The following CHEK1 variants were observed in gnomAD, a reference collection of about 807,000 sequenced individuals.
CHEK1 encodes serine/threonine-protein kinase Chk1.
In CHEK1, 32 loss-of-function variants were observed where a neutral mutation model predicts 60.2. The ratio of observed to expected loss-of-function variants is 0.53; its 90% CI spans 0.40 to 0.71. The LOEUF (loss-of-function observed/expected upper bound fraction) is 0.71, where lower values mean the gene tolerates loss of function less well. Among genes scored for constraint, CHEK1 ranks in the 30% least tolerant of loss-of-function variants. The probability of loss-of-function intolerance (pLI) is 0.00; values close to 1 mark genes in which losing one functional copy is unlikely to be tolerated. For missense variants in CHEK1, 399 were observed against 564.6 expected (o/e 0.71, Z 2.97); for synonymous variants, 179 against 187.2 (o/e 0.96, Z 0.36).
chr11:125,662,232 T>A (rs868303664), intron 13 of CHEK1, among the ~76,000 whole-genome samples: 4 of 152,224 alleles, frequency 2.6e-5, no homozygotes, highest in Middle Eastern at 3.2e-3. Context: ...GCCAGCAGAT[T>A]CAGTGTCTGG....
chr11:125,634,738 C>T (rs1486164966), intron 6 of CHEK1, among the ~76,000 whole-genome samples: 1 of 152,100 alleles, frequency 6.6e-6, no homozygotes, highest in Non-Finnish European at 1.5e-5. Context: ...CTCAAAGGCC[C>T]CACCTCCGAA....
At chr11:125,647,407 C>T (rs935701473) in intron 11 of CHEK1, among the ~76,000 whole-genome samples, 2 of 151,304 alleles carry the variant, frequency 1.3e-5, no homozygotes, top group Non-Finnish European at 2.9e-5. Context: ...TGTGCTATGC[C>T]GTTACCACAC....
chr11:125,643,583 A>C (rs1430275385), intron 8 of CHEK1: 9 of 524,706 alleles, frequency 1.7e-5, no homozygotes, highest in East Asian at 1.6e-4. Context: ...AAAATACCTA[A>C]TTTGACAAAT....
intron 11 of CHEK1, among the ~76,000 whole-genome samples, chr11:125,645,205 T>C (rs1486598434): frequency 6.6e-6 from 1 of 152,144 alleles, no homozygotes; most frequent in Non-Finnish European, 1.5e-5. Context: ...TTAAAAATAG[T>C]AGGGAGCTGG....
downstream of CHEK1, chr11:125,680,587 C>T (rs907225387): frequency 1.4e-5 from 10 of 705,920 alleles, no homozygotes; most frequent in African/African-American, 5.4e-5. Context: ...AGGAGCTCTC[C>T]GAGTTGGACT....
At chr11:125,680,315 CGTGTTCTGAGG>C (rs1269213548), downstream of CHEK1, among the ~76,000 whole-genome samples, 1 of 152,142 alleles carries the variant, frequency 6.6e-6, no homozygotes, top group Non-Finnish European at 1.5e-5. Flanking sequence ...ATAGCTCTGT[CGTGTTCTGAGG>C]TTGTTTTCTG....
At chr11:125,664,839 C>T (rs187413546) in intron 13 of CHEK1, among the ~76,000 whole-genome samples, 2 of 152,230 alleles carry the variant, frequency 1.3e-5, no homozygotes, top group African/African-American at 2.4e-5. Context: ...ACAGAAAAAC[C>T]TTTGCCCAGA....
At chr11:125,626,959 CT>C (rs1940640140) in intron 2 of CHEK1, 126 bp downstream of exon 2, 3 of 981,054 alleles carry the variant, frequency 3.1e-6, no homozygotes, top group Admixed American at 2.7e-5. Context: ...GTTACACAGC[CT>C]TTTGCTAGGA....
rs561125706 is a variant in CHEK1 at position 125,625,878 on chromosome 11, G to T, written c.-155G>T. 4 of 702,540 alleles carry T rather than the reference G, an allele frequency of 5.7e-6. No homozygotes were observed. The highest frequency in any genetic ancestry group is 1.7e-5 in the African/African-American group (1 of 57,286). The allele number at this position is 702,540 out of a possible 1,614,324, so 43.5% of individuals were successfully genotyped here. A position where few individuals can be genotyped will look rare whatever the true frequency, so the allele number is the denominator to read the frequency against. On this transcript the variant is annotated 5_prime_UTR_variant, in exon 1 of 13. Coordinates refer to ENST00000438015, the MANE Select transcript of CHEK1 (RefSeq NM_001114122.3). ...CTTTTGGAGCCGCCGACATTCAGAGGGGCAGGACACGGGAACGCGCGCTGT... is the reference window on the plus strand; with the variant it reads ...CTTTTGGAGCCGCCGACATTCAGAGTGGCAGGACACGGGAACGCGCGCTGT...
At chr11:125,679,181 C>T (rs1591440087), downstream of CHEK1, among the ~76,000 whole-genome samples, 1 of 145,808 alleles carries the variant, frequency 6.9e-6, no homozygotes. Context: ...TTATTTTTTT[C>T]TGGCCAGTCT....
intron 6 of CHEK1, among the ~76,000 whole-genome samples, chr11:125,634,305 T>C (rs973461985): frequency 1.3e-5 from 2 of 151,650 alleles, no homozygotes; most frequent in African/African-American, 2.4e-5. Context: ...TTGTGAGATA[T>C]TGTGTCTGTT....
At chr11:125,662,963 T>C (rs1942043575) in intron 13 of CHEK1, among the ~76,000 whole-genome samples, 2 of 152,206 alleles carry the variant, frequency 1.3e-5, no homozygotes, top group African/African-American at 4.8e-5. Context: ...ATTTCCCTAG[T>C]GGGTAATGAT....
At position 125,643,816 on chromosome 11, in the gene CHEK1, C is replaced by T. The variant is rs2136026615; in HGVS notation, c.839C>T (p.Ser280Leu). 3 of 1,613,956 alleles carry T rather than the reference C, an allele frequency of 1.9e-6. No individual in the cohort carries two copies. In the East Asian group the frequency reaches 6.7e-5, roughly 36 times the overall value. The change falls in exon 9 of 13, where the codon TCA (serine) becomes TTA (leucine). Residue 280 changes from serine to leucine, a missense_variant. Coordinates refer to ENST00000438015, the MANE Select transcript of CHEK1 (RefSeq NM_001114122.3). ...GGGGCAAAAAGGCCCCGAGTCACTT[C>T]AGGTGGTGTGTCAGAGTCTCCCAGT... ...KKGAKRPRVT[S>L]GGVSESPSGF...
chr11:125,625,621 G>T lies in CHEK1; in HGVS notation c.-412G>T. 1.7e-6 allele frequency: 1 copy of T among 596,198 alleles called. No individual in the cohort carries two copies. Among genetic ancestry groups the T allele is most frequent in the Non-Finnish European group, 3.0e-6 (1 of 333,830 alleles). The allele number at this position is 596,198 out of a possible 1,614,324, so 36.9% of individuals were successfully genotyped here. A position where few individuals can be genotyped will look rare whatever the true frequency, so the allele number is the denominator to read the frequency against. On this transcript the variant is annotated 5_prime_UTR_variant, in exon 1 of 13. Transcript: ENST00000438015. Reference sequence around the variant, plus strand: ...GGCCAGGAGCGAAGCCCGCAGCCCCGCCTGGAAGCGCAGCGCGGTCGGTCG... The same window carrying T: ...GGCCAGGAGCGAAGCCCGCAGCCCCTCCTGGAAGCGCAGCGCGGTCGGTCG...
At chr11:125,663,933 T>G (rs12364475) in intron 13 of CHEK1, among the ~76,000 whole-genome samples, 48,390 of 152,042 alleles carry the variant, frequency 0.32, 7,966 homozygotes, top group East Asian at 0.42. Context: ...CATTGCTTGT[T>G]TGAATCCACT....
At chr11:125,628,068 C>G (rs910960087) in intron 3 of CHEK1, among the ~76,000 whole-genome samples, 1 of 152,154 alleles carries the variant, frequency 6.6e-6, no homozygotes, top group African/African-American at 2.4e-5. Flanking sequence ...AGATTGGTGT[C>G]TTACAGAATT....
At chr11:125,642,017 C>T (rs540668575) in intron 8 of CHEK1, among the ~76,000 whole-genome samples, 1 of 151,976 alleles carries the variant, frequency 6.6e-6, no homozygotes, top group South Asian at 2.1e-4. Context: ...GCTTTGCTCC[C>T]CCTTGGTCAT....
chr11:125,673,562 A>G (rs1471497146), intron 13 of CHEK1, among the ~76,000 whole-genome samples: 4 of 151,506 alleles, frequency 2.6e-5, no homozygotes, highest in African/African-American at 4.8e-5. Flanking sequence ...CTGCTCATCT[A>G]CTCCTCTGGA....
chr11:125,655,265 A>G lies in CHEK1; in HGVS notation c.1376A>G (p.Lys459Arg). 2 of 1,613,768 alleles carry G rather than the reference A, an allele frequency of 1.2e-6. No individual in the cohort carries two copies. Among genetic ancestry groups the G allele is most frequent in the East Asian group, 2.2e-5 (1 of 44,864 alleles). ...LEFKRHFLKI[K>R]GKLIDIVSSQ... ...TTCAAGAGACACTTCCTGAAGATTAAAGGGAAGCTGATTGATATTGTGAGC... is the reference window on the plus strand; with the variant it reads ...TTCAAGAGACACTTCCTGAAGATTAGAGGGAAGCTGATTGATATTGTGAGC... The change falls in exon 13 of 13, where the codon AAA (lysine) becomes AGA (arginine). Residue 459 changes from lysine (K) to arginine (R), a missense_variant. Transcript: ENST00000438015.
Sources: allele counts gnomAD v4.1 joint callset (sites outside exome capture counted in the v4.1 genomes callset), GRCh38; gene constraint gnomAD v4.1.1; transcripts MANE v1.5; gene names NCBI Gene and HGNC (gene_info 2026-07-23, HGNC 2026-07-21).